PDE7A: variants seen among roughly 807,000 people sequenced by gnomAD.
PDE7A encodes the protein phosphodiesterase 7A.
In PDE7A, 39 loss-of-function variants were observed where a neutral mutation model predicts 64.3. The observed-to-expected ratio is 0.61, with a 90% CI of 0.47 to 0.79. The LOEUF (loss-of-function observed/expected upper bound fraction) is 0.79, where lower values mean the gene tolerates loss of function less well. PDE7A is among the 30% of genes least tolerant of loss of function. PDE7A has a pLI of 0.00. For missense variants in PDE7A, 470 were observed against 582.8 expected (o/e 0.81, Z 1.99); for synonymous variants, 203 against 206.8 (o/e 0.98, Z 0.16).
chr8:65,725,639 T>C (rs1806577780), intron 9 of PDE7A: 2 of 152,132 alleles, frequency 1.3e-5, no homozygotes, highest in Non-Finnish European at 2.9e-5. Flanking sequence ...GCAAATACTA[T>C]CTCTGTATAA....
intron 1 of PDE7A, among the ~76,000 whole-genome samples, chr8:65,837,706 A>T (rs1218962328): frequency 1.3e-5 from 2 of 152,232 alleles, no homozygotes; most frequent in African/African-American, 2.4e-5. Flanking sequence ...GCTAGTGATA[A>T]GCAATCATTT....
At chr8:65,736,198 G>T (rs1206991909) in intron 6 of PDE7A, among the ~76,000 whole-genome samples, 2 of 152,132 alleles carry the variant, frequency 1.3e-5, no homozygotes, top group East Asian at 3.8e-4. Flanking sequence ...GTAAAATAAG[G>T]GTGACGAACA....
At chr8:65,806,695 T>C (rs775576083) in intron 1 of PDE7A, among the ~76,000 whole-genome samples, 3 of 152,238 alleles carry the variant, frequency 2.0e-5, no homozygotes, top group Non-Finnish European at 4.4e-5. Flanking sequence ...TTCACAAAGT[T>C]TGGGCTCTGC....
intron 4 of PDE7A, 65 bp downstream of exon 4, chr8:65,747,587 G>T: frequency 2.1e-6 from 2 of 956,018 alleles, no homozygotes; most frequent in Non-Finnish European, 3.1e-6. Flanking sequence ...ATTACTGTAT[G>T]GGGAATAAAG....
At chr8:65,777,541 TG>T (rs1809295269) in intron 3 of PDE7A, among the ~76,000 whole-genome samples, 1 of 152,222 alleles carries the variant, frequency 6.6e-6, no homozygotes, top group Non-Finnish European at 1.5e-5. Flanking sequence ...TCTATATTCA[TG>T]AGCGATTTGG....
intron 1 of PDE7A, among the ~76,000 whole-genome samples, chr8:65,813,617 T>C (rs1260649848): frequency 1.6e-4 from 25 of 152,374 alleles, no homozygotes; most frequent in Admixed American, 1.5e-3. Flanking sequence ...TAATTTCAAC[T>C]GCAAAATTCT....
At chr8:65,739,180 T>C (rs1006171079) in intron 6 of PDE7A, among the ~76,000 whole-genome samples, 2 of 152,240 alleles carry the variant, frequency 1.3e-5, no homozygotes, top group Non-Finnish European at 2.9e-5. Context: ...CAAACTCCTC[T>C]GCTTCTTTTA....
At chr8:65,788,344 A>C (rs1809614759) in intron 1 of PDE7A, among the ~76,000 whole-genome samples, 1 of 152,256 alleles carries the variant, frequency 6.6e-6, no homozygotes, top group Non-Finnish European at 1.5e-5. Context: ...TTAGAATTCA[A>C]CTTCAAAAAC....
chr8:65,752,721 T>C (rs1022261155), intron 3 of PDE7A, among the ~76,000 whole-genome samples: 4 of 152,188 alleles, frequency 2.6e-5, no homozygotes, highest in African/African-American at 9.6e-5. Flanking sequence ...TTGAATTATA[T>C]CTCTAAATAT....
intron 3 of PDE7A, among the ~76,000 whole-genome samples, chr8:65,756,219 G>T (rs536623425): frequency 1.3e-5 from 2 of 152,264 alleles, no homozygotes; most frequent in South Asian, 2.1e-4. Context: ...TCAACAATTT[G>T]ACTATAGTGT....
chr8:65,778,645 G>A (rs1416584283), intron 3 of PDE7A, among the ~76,000 whole-genome samples: 1 of 152,060 alleles, frequency 6.6e-6, no homozygotes, highest in East Asian at 1.9e-4. Context: ...CCTCCTCCGA[G>A]GCCCCGAGTG....
chr8:65,818,006 C>T (rs1183744077), intron 1 of PDE7A, among the ~76,000 whole-genome samples: 3 of 152,140 alleles, frequency 2.0e-5, no homozygotes, highest in East Asian at 3.9e-4. Flanking sequence ...CCCGCCTCGG[C>T]CTCCCAAGGT....
chr8:65,839,237 T>G (rs919213114), intron 1 of PDE7A, among the ~76,000 whole-genome samples: 2 of 150,482 alleles, frequency 1.3e-5, no homozygotes, highest in East Asian at 1.9e-4. Flanking sequence ...AAAAAAAGGG[T>G]TTTTTTTCCT....
chr8:65,772,817 A>G (rs1342585878), intron 3 of PDE7A, among the ~76,000 whole-genome samples: 1 of 152,120 alleles, frequency 6.6e-6, no homozygotes, highest in Non-Finnish European at 1.5e-5. Flanking sequence ...CAGTCTGACC[A>G]ATATGGTGAA....
At chr8:65,738,253 A>G (rs775620610) in intron 6 of PDE7A, among the ~76,000 whole-genome samples, 1 of 143,716 alleles carries the variant, frequency 7.0e-6, no homozygotes, top group African/African-American at 2.6e-5. Flanking sequence ...TTTGCTGTAT[A>G]TAAGCAAAAT....
At chr8:65,792,047 C>T (rs1016901856) in intron 1 of PDE7A, among the ~76,000 whole-genome samples, 1 of 152,010 alleles carries the variant, frequency 6.6e-6, no homozygotes, top group Non-Finnish European at 1.5e-5. Flanking sequence ...TTAGATAATT[C>T]TCCTAAAAGT....
intron 1 of PDE7A, among the ~76,000 whole-genome samples, chr8:65,810,484 C>T (rs1380532014): frequency 6.6e-6 from 1 of 152,034 alleles, no homozygotes; most frequent in Non-Finnish European, 1.5e-5. Context: ...TACCCTAGAA[C>T]TTAAAGTGTA....
Position 65,802,489 on chromosome 8 carries a change from G to A in PDE7A, c.139-19646C>T, listed in dbSNP as rs144738881. Reference sequence around the variant, plus strand: ...GGGGAGCACTGGCTTTGGGTCATCTGATCACTGATTCAAATCCAGTGTTTA... The same window carrying A: ...GGGGAGCACTGGCTTTGGGTCATCTAATCACTGATTCAAATCCAGTGTTTA... On this transcript the variant is annotated intron_variant, in intron 1 of 12. Transcript: ENST00000401827. Among the ~76,000 whole-genome samples the A allele has an allele frequency of 5.9e-3, 894 of 152,292 alleles. 9 individuals are homozygous for A. Among genetic ancestry groups the A allele is most frequent in the African/African-American group, 0.02 (845 of 41,552 alleles).
At chr8:65,832,362 A>T (rs1810848768) in intron 1 of PDE7A, among the ~76,000 whole-genome samples, 1 of 152,068 alleles carries the variant, frequency 6.6e-6, no homozygotes, top group Admixed American at 6.5e-5. Context: ...TCACAGTGAT[A>T]AATAATGGGA....
Sources: gnomAD v4.1 joint callset for allele counts (sites outside exome capture counted in the v4.1 genomes callset) on GRCh38, gnomAD v4.1.1 for gene constraint, MANE v1.5 for transcripts, NCBI Gene and HGNC (gene_info 2026-07-23, HGNC 2026-07-21) for gene names.